Variants in PNPLA6 observed in about 807,000 individuals in gnomAD.
The protein encoded by PNPLA6 is patatin-like phospholipase domain-containing protein 6.
Under a neutral mutation model 153.7 loss-of-function variants are expected in PNPLA6, and 105 were observed. The ratio of observed to expected loss-of-function variants is 0.68; its 90% CI spans 0.58 to 0.80. The LOEUF is 0.80. PNPLA6 is among the 30% of genes least tolerant of loss of function. The pLI is 0.00. For synonymous variants in PNPLA6, 825 were observed against 822.2 expected, an observed-to-expected ratio of 1.00 and a Z score of -0.06; for missense variants, 1,423 against 1,919.3, an observed-to-expected ratio of 0.74 and a Z score of 4.83.
chr19:7,542,425 C>G, intron 10 of PNPLA6, 136 bp from the exon 11 acceptor site: 1 of 734,378 alleles, frequency 1.4e-6, no homozygotes, highest in Non-Finnish European at 2.4e-6. Context: ...GCCTCGAACT[C>G]CTATGCTCAA....
intron 18 of PNPLA6, 106 bp from the exon 19 acceptor site, chr19:7,553,769 G>A (rs1424638908): frequency 6.8e-7 from 1 of 1,462,664 alleles, no homozygotes; most frequent in Non-Finnish European, 9.6e-7. Context: ...GGGAGCACAG[G>A]AGCAAGAATT....
chr19:7,554,919 T>C lies in PNPLA6; in HGVS notation c.2661T>C (p.Ala887=). The C allele has an allele frequency of 6.3e-7, 1 of 1,588,144 alleles. No individual in the cohort carries two copies. The highest frequency in any genetic ancestry group is 8.5e-7 in the Non-Finnish European group (1 of 1,172,788). The change falls in exon 22 of 32, where the codon GCT becomes GCC. Residue 887 remains alanine, a synonymous_variant. Transcript: ENST00000600737. ...GQLEQMLENT[A]VRALKQLVLL... ...TGGAGCAGATGCTGGAGAACACGGC[T>C]GTGCGCGCCCTTAAGCAGCTAGTCC...
chr19:7,542,554 C>G lies in PNPLA6; in HGVS notation c.1253-7C>G. ...ATGGTTTTTGTTGCCCCCCTGCCTG[C>G]CTGCAGGCTTGCAGGGTGGCCCCCG... On this transcript the variant is annotated splice_region_variant and splice_polypyrimidine_tract_variant and intron_variant, in intron 10 of 31. Coordinates refer to ENST00000600737, the MANE Select transcript of PNPLA6 (RefSeq NM_001166114.2). 4 of 1,609,312 alleles carry G rather than the reference C, an allele frequency of 2.5e-6. No individual in the cohort carries two copies. The South Asian group carries it at 3.3e-5, about 13-fold the overall frequency.
At chr19:7,538,734 G>A in intron 3 of PNPLA6, among the ~76,000 whole-genome samples, 1 of 152,210 alleles carries the variant, frequency 6.6e-6, no homozygotes, top group Non-Finnish European at 1.5e-5. Context: ...GAGACTGGGA[G>A]GAAGGTCTAT....
intron 10 of PNPLA6, 24 bp from the exon 11 acceptor site, chr19:7,542,537 T>C (rs2023198176): frequency 6.4e-7 from 1 of 1,564,936 alleles, no homozygotes; most frequent in Non-Finnish European, 8.8e-7. Flanking sequence ...TTATGGTTTT[T>C]GTTGCCCCCC....
chr19:7,547,811 A>AAATTT (rs1406190133), intron 13 of PNPLA6, among the ~76,000 whole-genome samples: 2 of 114,562 alleles, frequency 1.7e-5, no homozygotes, highest in East Asian at 5.8e-4. Flanking sequence ...CTAATTAAAA[A>AAATTT]TTTTTTTTTT....
Position 7,556,471 on chromosome 19 carries a change from G to A in PNPLA6, c.3112G>A (p.Glu1038Lys), listed in dbSNP as rs1458797839. The A allele has an allele frequency of 1.2e-6, 2 of 1,612,860 alleles. No individual in the cohort carries two copies. The highest frequency in any genetic ancestry group is 1.7e-6 in the Non-Finnish European group (2 of 1,178,942). The change falls in exon 25 of 32, where the codon GAA (glutamate) becomes AAA (lysine). Residue 1038 changes from glutamate to lysine, a missense_variant. Glu to Lys is a moderately conservative substitution (Grantham distance 56). Coordinates refer to ENST00000600737, the MANE Select transcript of PNPLA6 (RefSeq NM_001166114.2). ...TCCCTAGAGCATGACTTCGGTGCTG[G>A]AACCTGTGTTGGACCTCACGTACCC... Reference protein sequence around the residue: ...EWAKSMTSVLEPVLDLTYPVT... With the variant: ...EWAKSMTSVLKPVLDLTYPVT...
At chr19:7,558,095 G>A (rs1333040291) in intron 27 of PNPLA6, among the ~76,000 whole-genome samples, 1 of 152,210 alleles carries the variant, frequency 6.6e-6, no homozygotes, top group Non-Finnish European at 1.5e-5. Context: ...CCTCAAACAC[G>A]CAGGGATGTG....
rs1256533280 is a variant in PNPLA6 at position 7,554,969 on chromosome 19, G to A, written c.2711G>A (p.Gly904Asp). The change falls in exon 22 of 32, where the codon GGC becomes GAC. Residue 904 changes from glycine (G) to aspartate (D), a missense_variant. Gly to Asp is a moderately conservative substitution (Grantham distance 94). Around this residue, in one of 10 missense-constraint regions of PNPLA6, gnomAD observed 643 missense variants for 835.2 expected, o/e 0.77. Transcript: ENST00000600737. ...CTGCTCCACCGAGAGGAGGGCGCGG[G>A]CCCCACGCGCACCGTGGAGTGGCTA... Reference protein sequence around the residue: ...LVLLHREEGAGPTRTVEWLNM... With the variant: ...LVLLHREEGADPTRTVEWLNM... The A allele has an allele frequency of 6.3e-7, 1 of 1,591,234 alleles. No individual in the cohort carries two copies. The highest frequency in any genetic ancestry group is 1.1e-5 in the South Asian group (1 of 89,630).
chr19:7,550,361 G>C lies in PNPLA6; in HGVS notation c.1878G>C (p.Ser626=). The C allele has an allele frequency of 6.2e-7, 1 of 1,612,198 alleles. No individual in the cohort carries two copies. Among genetic ancestry groups the C allele is most frequent in the Non-Finnish European group, 8.5e-7 (1 of 1,180,030 alleles). ...SAAHTVAARM[S]PFVRQMDFAI... is the part of the protein sequence containing the mutation. ...CGCACACGGTGGCAGCCAGGATGTC[G>C]CCCTTCGTGCGCCAGATGGACTTCG... Residue 626 remains serine (S), a synonymous_variant, in exon 15 of 32, where the codon TCG becomes TCC. Coordinates refer to ENST00000600737, the MANE Select transcript of PNPLA6 (RefSeq NM_001166114.2).
chr19:7,558,717 T>C, intron 27 of PNPLA6, 133 bp from the exon 28 acceptor site: 1 of 665,550 alleles, frequency 1.5e-6, no homozygotes, highest in Admixed American at 2.4e-5. Flanking sequence ...GACAGCATGG[T>C]GTTTGCATGT....
chr19:7,557,091 G>C, intron 26 of PNPLA6, 77 bp from the exon 27 acceptor site: 1 of 1,088,482 alleles, frequency 9.2e-7, no homozygotes, highest in African/African-American at 1.6e-5. Flanking sequence ...AGGTCAGCGA[G>C]CCCATCGGGC....
At chr19:7,551,868 G>A (rs948168072) in intron 18 of PNPLA6, among the ~76,000 whole-genome samples, 5 of 152,240 alleles carry the variant, frequency 3.3e-5, no homozygotes, top group East Asian at 1.9e-4. Flanking sequence ...GGGAGGCTGA[G>A]GCAGGAGGAT....
chr19:7,561,097 T>C lies in PNPLA6; in HGVS notation c.3900T>C (p.Asp1300=), dbSNP rs2024080652. 6.2e-7 allele frequency: 1 copy of C among 1,609,466 alleles called. No homozygotes were observed. ...RIEPPTSYVS[D]GCADGEESDC... is the part of the protein sequence containing the mutation. Reference sequence around the variant, plus strand: ...AGCCCCCCACGAGCTATGTCTCTGATGGCTGTGCTGACGGTGAGGGGCCCA... The same window carrying C: ...AGCCCCCCACGAGCTATGTCTCTGACGGCTGTGCTGACGGTGAGGGGCCCA... The change falls in exon 30 of 32, where the codon GAT becomes GAC. Residue 1300 remains aspartate, a synonymous_variant. Coordinates refer to ENST00000600737, the MANE Select transcript of PNPLA6 (RefSeq NM_001166114.2).
chr19:7,537,696 C>CA (rs1305361596), intron 3 of PNPLA6, among the ~76,000 whole-genome samples: 2 of 152,156 alleles, frequency 1.3e-5, no homozygotes, highest in Non-Finnish European at 2.9e-5. Context: ...GGCTAGAGTG[C>CA]ACTGGCACGA....
chr19:7,556,733 C>A lies in PNPLA6; in HGVS notation c.3280+9C>A, dbSNP rs1284363053. ...GCGAGTCCACAAAGATGGTGGGTGTCCCCGCCCAGCCTGCAGCAACCGCTG... is the reference window on the plus strand; with the variant it reads ...GCGAGTCCACAAAGATGGTGGGTGTACCCGCCCAGCCTGCAGCAACCGCTG... On this transcript the variant is annotated intron_variant, in intron 26 of 31. Transcript: ENST00000600737. 6.2e-7 allele frequency: 1 copy of A among 1,601,820 alleles called. No homozygotes were observed. Among genetic ancestry groups the A allele is most frequent in the Admixed American group, 1.7e-5 (1 of 60,000 alleles).
In PNPLA6 at chr19:7,554,284, A is replaced by C; in HGVS notation, c.2465+12A>C. On this transcript the variant is annotated intron_variant, in intron 20 of 31. Transcript: ENST00000600737. Reference sequence around the variant, plus strand: ...TCCGCACTGGATAGGTGTGTGTTGCAGAAGGGAGTGGGGAGGGTGGTGGGT... The same window carrying C: ...TCCGCACTGGATAGGTGTGTGTTGCCGAAGGGAGTGGGGAGGGTGGTGGGT... The C allele has an allele frequency of 1.2e-6, 2 of 1,606,524 alleles. No individual in the cohort carries two copies. Among genetic ancestry groups the C allele is most frequent in the South Asian group, 1.1e-5 (1 of 90,926 alleles).
rs756508790 is a variant in PNPLA6, at chr19:7,539,979, C to T, written c.475C>T (p.Leu159=). 1.9e-6 allele frequency: 3 copies of T among 1,585,712 alleles called. No individual in the cohort carries two copies. The highest frequency in any genetic ancestry group is 2.6e-6 in the Non-Finnish European group (3 of 1,166,104). ...GCGGAAGGAGCCCCCGCCCGCAGTGCTAGAAGCTGACCTGACCGAGGGCGA... is the reference window on the plus strand; with the variant it reads ...GCGGAAGGAGCCCCCGCCCGCAGTGTTAGAAGCTGACCTGACCGAGGGCGA... ...LQRKEPPPAV[L]EADLTEGDLA... Residue 159 remains leucine, a synonymous_variant, in exon 4 of 32, where the codon CTA becomes TTA. Transcript: ENST00000600737.
chr19:7,540,858 G>A lies in PNPLA6; in HGVS notation c.796-65G>A, dbSNP rs1035191863. 6.2e-7 allele frequency: 1 copy of A among 1,608,172 alleles called. No individual in the cohort carries two copies. Among genetic ancestry groups the A allele is most frequent in the African/African-American group, 1.3e-5 (1 of 74,934 alleles). ...ACGGGACTGGCGCCAGGAAGGATTA[G>A]GGGAGTAGCGAGGGGGACTCGCAGC... On this transcript the variant is annotated intron_variant, in intron 6 of 31. Coordinates refer to ENST00000600737, the MANE Select transcript of PNPLA6 (RefSeq NM_001166114.2). The surrounding 1 kb of genome is among the most constrained non-coding windows in gnomAD (Gnocchi z 6.8).
Sources: gnomAD v4.1 joint callset for allele counts (sites outside exome capture counted in the v4.1 genomes callset) on GRCh38, gnomAD v4.1.1 for gene constraint, gnomAD v4.1.1 regional missense constraint, Gnocchi (gnomAD v3.1) non-coding constraint, MANE v1.5 for transcripts, NCBI Gene and HGNC (gene_info 2026-07-23, HGNC 2026-07-21) for gene names.